DZIP1: variants seen among roughly 807,000 people sequenced by gnomAD.
DZIP1 encodes cilium assembly protein DZIP1.
Under a neutral mutation model 107.6 loss-of-function variants are expected in DZIP1, and 97 were observed. That is an observed-to-expected ratio of 0.90 (90% confidence interval 0.77 to 1.07). The LOEUF (loss-of-function observed/expected upper bound fraction) is 1.07, where lower values mean the gene tolerates loss of function less well. Among genes scored for constraint, DZIP1 ranks in the 50% least tolerant of loss-of-function variants. The pLI, the probability that DZIP1 is intolerant of heterozygous loss-of-function variation, is 0.00. For missense variants in DZIP1, 1,035 were observed against 1,063.6 expected (o/e 0.97, Z 0.37); for synonymous variants, 390 against 386.4 (o/e 1.01, Z -0.11).
At chr13:95,590,148 G>A (rs2138821200) in intron 17 of DZIP1, 131 bp downstream of exon 17, 1 of 1,068,440 alleles carries the variant, frequency 9.4e-7, no homozygotes, top group Non-Finnish European at 1.3e-6. Flanking sequence ...AGAGTTGCCA[G>A]TGAAGTGGCG....
chr13:95,632,810 T>A (rs1042943122), intron 6 of DZIP1, among the ~76,000 whole-genome samples: 1 of 152,026 alleles, frequency 6.6e-6, no homozygotes, highest in African/African-American at 2.4e-5. Context: ...CCAGCACACC[T>A]CACGTCCCTT....
chr13:95,584,313 G>C (rs1461674285), intron 22 of DZIP1, among the ~76,000 whole-genome samples: 1 of 151,310 alleles, frequency 6.6e-6, no homozygotes, highest in Non-Finnish European at 1.5e-5. Context: ...AACAATTTGG[G>C]GGCCACGAGC....
chr13:95,606,010 C>G lies in DZIP1; in HGVS notation c.1470G>C (p.Met490Ile), dbSNP rs559345536. ...ACTATTACTGAAACTTACCATGCAC[C>G]ATTGGCAGACTTGATTTAGTTTCCA... Reference protein sequence around the residue: ...HTLETKSSLPMVHEQAFSSHI... With the variant: ...HTLETKSSLPIVHEQAFSSHI... The change falls in exon 14 of 23, where the codon ATG becomes ATC. Residue 490 changes from methionine (M) to isoleucine (I), a missense_variant. Coordinates refer to ENST00000376829, the MANE Select transcript of DZIP1 (RefSeq NM_198968.4). 1.9e-6 allele frequency: 3 copies of G among 1,613,922 alleles called. No individual in the cohort carries two copies. The South Asian group carries it at 3.3e-5, about 18-fold the overall frequency.
At chr13:95,600,315 T>C (rs1385913772) in intron 14 of DZIP1, among the ~76,000 whole-genome samples, 2 of 151,876 alleles carry the variant, frequency 1.3e-5, no homozygotes, top group African/African-American at 4.8e-5. Flanking sequence ...TACAGTGCAC[T>C]TCCCCCCACC....
chr13:95,624,150 C>T (rs1311530112), intron 8 of DZIP1, among the ~76,000 whole-genome samples: 3 of 152,336 alleles, frequency 2.0e-5, no homozygotes, highest in African/African-American at 7.2e-5. Context: ...GACCTTCGCT[C>T]AGCTCCCTTC....
intron 10 of DZIP1, among the ~76,000 whole-genome samples, chr13:95,615,675 GCTGT>G (rs1163906208): frequency 6.6e-6 from 1 of 152,194 alleles, no homozygotes; most frequent in Non-Finnish European, 1.5e-5. Flanking sequence ...ACCACTTGAA[GCTGT>G]CACTGCCTGT....
At position 95,590,401 on chromosome 13, in the gene DZIP1, AG is replaced by A. The variant is rs1471494403; in HGVS notation, c.1720del (p.Leu574Ter). The A allele has an allele frequency of 6.2e-7, 1 of 1,613,292 alleles. No individual in the cohort carries two copies. Among genetic ancestry groups the A allele is most frequent in the African/African-American group, 1.3e-5 (1 of 75,010 alleles). On this transcript the variant is annotated frameshift_variant, in exon 17 of 23. Transcript: ENST00000376829. LOFTEE classifies it high-confidence loss of function. ...ATGTCTTTCTGATTCCACACTTTTTAGTACTCTATGCAACTGATCACTTGAA... is the reference window on the plus strand; with the variant it reads ...ATGTCTTTCTGATTCCACACTTTTTATACTCTATGCAACTGATCACTTGAA... ...GISSDQLHRV[L>X]KSVESERHKQ...
chr13:95,583,205 T>C (rs1232459155), intron 22 of DZIP1, among the ~76,000 whole-genome samples: 5 of 150,246 alleles, frequency 3.3e-5, no homozygotes, highest in Admixed American at 3.3e-4. Flanking sequence ...GGTGGGAGGA[T>C]CATTTGAGCC....
At chr13:95,610,807 G>T (rs950109440) in intron 12 of DZIP1, among the ~76,000 whole-genome samples, 1 of 152,156 alleles carries the variant, frequency 6.6e-6, no homozygotes, top group Non-Finnish European at 1.5e-5. Context: ...GTTAGTTATT[G>T]AGAGTGAGTT....
intron 7 of DZIP1, among the ~76,000 whole-genome samples, chr13:95,629,149 A>G (rs1023649653): frequency 2.6e-5 from 4 of 152,272 alleles, no homozygotes; most frequent in African/African-American, 4.8e-5. Context: ...GGAAACAAGG[A>G]AGAGCCAAGC....
intron 14 of DZIP1, 29 bp downstream of exon 14, chr13:95,605,974 A>G: frequency 1.2e-6 from 2 of 1,611,610 alleles, no homozygotes; most frequent in Middle Eastern, 3.3e-4. Context: ...AACTGCACAT[A>G]AAACGCTGAG....
intron 14 of DZIP1, among the ~76,000 whole-genome samples, chr13:95,600,316 TC>T (rs2044575387): frequency 6.6e-6 from 1 of 151,668 alleles, no homozygotes; most frequent in Non-Finnish European, 1.5e-5. Context: ...ACAGTGCACT[TC>T]CCCCCACCAG....
rs1276029769 is a variant in DZIP1 at position 95,643,215 on chromosome 13, G to C, written c.-385C>G. The C allele has an allele frequency of 6.6e-6, 1 of 152,052 alleles. No individual in the cohort carries two copies. Among genetic ancestry groups the C allele is most frequent in the Non-Finnish European group, 1.5e-5 (1 of 68,018 alleles). The allele number at this position is 152,052 out of a possible 1,614,324, so 9.4% of individuals were successfully genotyped here. ...GCCAGACATTCCCCAATCCACCGGG[G>C]AATTCCTGCTTGGACCAGACATCAG... On this transcript the variant is annotated 5_prime_UTR_variant, in exon 3 of 23. Coordinates refer to ENST00000376829, the MANE Select transcript of DZIP1 (RefSeq NM_198968.4).
chr13:95,609,372 C>T lies in DZIP1; in HGVS notation c.1420+85G>A, dbSNP rs1385069687. ...AATACATTGGTTTTCAAAGAAAAGC[C>T]TCTAAAAATAGTAAGTAAAAGTTAT... is the stretch of plus-strand genomic sequence containing the variant. On this transcript the variant is annotated intron_variant, in intron 13 of 22. Transcript: ENST00000376829. 5.7e-6 allele frequency: 5 copies of T among 875,238 alleles called. No individual in the cohort carries two copies. In the Admixed American group the frequency reaches 1.5e-4, roughly 26 times the overall value. The allele number at this position is 875,238 out of a possible 1,614,324, so 54.2% of individuals were successfully genotyped here.
At chr13:95,636,794 G>C (rs75261151) in intron 5 of DZIP1, among the ~76,000 whole-genome samples, 2,089 of 152,222 alleles carry the variant, frequency 0.014, 47 homozygotes, top group African/African-American at 0.047. Flanking sequence ...AAAATTTAAA[G>C]ACTGAATACA....
chr13:95,641,690 CCA>C lies in DZIP1; in HGVS notation c.200_201del (p.Val67GlyfsTer137), dbSNP rs1263415924. On this transcript the variant is annotated frameshift_variant, in exon 5 of 23. Coordinates refer to ENST00000376829, the MANE Select transcript of DZIP1 (RefSeq NM_198968.4). LOFTEE classifies it high-confidence loss of function. The surrounding 1 kb of genome is among the most constrained non-coding windows in gnomAD (Gnocchi z 4.3). ...FFQFRPRLES[V>X]DWRRLSAIDV... is the part of the protein sequence containing the mutation. The stretch of plus-strand genomic sequence containing the variant: ...TCGATGGCGCTCAGCCGCCGCCAGT[CCA>C]CACTCTCCAGCCGCGGCCTGAACTG... 4 of 1,604,074 alleles carry C rather than the reference CCA, an allele frequency of 2.5e-6. No individual in the cohort carries two copies. Among genetic ancestry groups the C allele is most frequent in the South Asian group, 2.2e-5 (2 of 91,054 alleles).
intron 15 of DZIP1, among the ~76,000 whole-genome samples, chr13:95,598,573 T>C (rs1225920076): frequency 6.6e-6 from 1 of 152,100 alleles, no homozygotes; most frequent in African/African-American, 2.4e-5. Flanking sequence ...TTTGACTTCT[T>C]TTCCTGACAA....
chr13:95,606,629 T>C (rs2044787208), intron 13 of DZIP1, among the ~76,000 whole-genome samples: 1 of 152,248 alleles, frequency 6.6e-6, no homozygotes, highest in Non-Finnish European at 1.5e-5. Context: ...ACATTTTATT[T>C]ACCTTTTCAT....
At chr13:95,602,062 A>C (rs2044632095) in intron 14 of DZIP1, among the ~76,000 whole-genome samples, 1 of 152,046 alleles carries the variant, frequency 6.6e-6, no homozygotes, top group Admixed American at 6.6e-5. Context: ...CCAATTCTGC[A>C]CACCCAGCCT....
Sources: allele counts gnomAD v4.1 joint callset (sites outside exome capture counted in the v4.1 genomes callset), GRCh38; gene constraint gnomAD v4.1.1; non-coding constraint Gnocchi (gnomAD v3.1); transcripts MANE v1.5; gene names NCBI Gene and HGNC (gene_info 2026-07-23, HGNC 2026-07-21).